HELZ: variants seen among roughly 807,000 people sequenced by gnomAD.
HELZ encodes the protein ATP-dependent RNA helicase with zinc finger domain.
In HELZ, 23 loss-of-function variants were observed where a neutral mutation model predicts 218.2. The observed-to-expected ratio is 0.11, with a 90% CI of 0.08 to 0.15. HELZ has a LOEUF of 0.15. Among genes scored for constraint, HELZ ranks in the 10% least tolerant of loss-of-function variants. The pLI, the probability that HELZ is intolerant of heterozygous loss-of-function variation, is 1.00. For synonymous variants in HELZ, 814 were observed against 829.4 expected (o/e 0.98, Z 0.32); for missense variants, 1,813 against 2,353.7 (o/e 0.77, Z 4.75).
At chr17:67,221,903 C>T (rs2040757469) in intron 3 of HELZ, among the ~76,000 whole-genome samples, 1 of 148,082 alleles carries the variant, frequency 6.8e-6, no homozygotes, top group Admixed American at 6.8e-5. Flanking sequence ...GGAGTGTAGT[C>T]GTGCAATCAT....
rs570150194 is a variant in HELZ at position 67,108,825 on chromosome 17, C to G, written c.4490-99G>C. 7 of 964,530 alleles carry G rather than the reference C, an allele frequency of 7.3e-6. No homozygotes were observed. In the African/African-American group the frequency reaches 9.9e-5, roughly 14 times the overall value. 59.7% of individuals were successfully genotyped at this position (964,530 alleles called of 1,614,324 possible). A position where few individuals can be genotyped will look rare whatever the true frequency, so the allele number is the denominator to read the frequency against. On this transcript the variant is annotated intron_variant, in intron 29 of 32. Coordinates refer to ENST00000358691, the MANE Select transcript of HELZ (RefSeq NM_014877.4). The surrounding 1 kb of genome is among the most constrained non-coding windows in gnomAD (Gnocchi z 4.1). ...ATATTTTCTCCACAAAGACAAAGGACGTAGCTACAAATTTGGTTTTGGTAA... is the reference window on the plus strand; with the variant it reads ...ATATTTTCTCCACAAAGACAAAGGAGGTAGCTACAAATTTGGTTTTGGTAA...
At chr17:67,193,455 C>T (rs1223317811) in intron 9 of HELZ, among the ~76,000 whole-genome samples, 2 of 151,996 alleles carry the variant, frequency 1.3e-5, no homozygotes, top group South Asian at 2.1e-4. Flanking sequence ...CAGTGGCTCA[C>T]GCCTCTAATC....
intron 20 of HELZ, among the ~76,000 whole-genome samples, chr17:67,147,098 A>G (rs2038520936): frequency 6.6e-6 from 1 of 152,190 alleles, no homozygotes; most frequent in African/African-American, 2.4e-5. Context: ...CTTGTACAAC[A>G]TAGCCAAAGA....
chr17:67,175,837 T>A (rs1257343982), intron 13 of HELZ, among the ~76,000 whole-genome samples: 2 of 152,228 alleles, frequency 1.3e-5, no homozygotes, highest in Non-Finnish European at 2.9e-5. Context: ...CTTGTGTAGT[T>A]GTGTACAGAA....
intron 5 of HELZ, among the ~76,000 whole-genome samples, chr17:67,211,095 A>G (rs1341754185): frequency 6.6e-6 from 1 of 152,138 alleles, no homozygotes; most frequent in Non-Finnish European, 1.5e-5. Context: ...AGAATACAAC[A>G]ATGAACTTGG....
intron 31 of HELZ, among the ~76,000 whole-genome samples, chr17:67,099,544 T>A (rs2036857805): frequency 6.6e-6 from 1 of 152,164 alleles, no homozygotes; most frequent in Admixed American, 6.5e-5. Context: ...AATGCTAACA[T>A]TTCAAAAGCC....
At position 67,136,110 on chromosome 17, in the gene HELZ, T is replaced by G. The variant is rs777752700; in HGVS notation, c.3042A>C (p.Gln1014His). The G allele has an allele frequency of 6.2e-7, 1 of 1,613,954 alleles. No homozygotes were observed. The highest frequency in any genetic ancestry group is 1.7e-5 in the Admixed American group (1 of 60,016). Residue 1014 changes from glutamine (Q) to histidine (H), a missense_variant, in exon 23 of 33, where the codon CAA becomes CAC. Gln to His is a conservative substitution (Grantham distance 24). Transcript: ENST00000358691. Reference protein sequence around the residue: ...HKQTPIKKKEQLLEDSTEDLD... With the variant: ...HKQTPIKKKEHLLEDSTEDLD... ...AGTCCTCTGTGGAATCTTCCAGAAGTTGCTCTTTCTTTTTAATTGGTGTCT... is the reference window on the plus strand; with the variant it reads ...AGTCCTCTGTGGAATCTTCCAGAAGGTGCTCTTTCTTTTTAATTGGTGTCT...
At chr17:67,118,404 A>T (rs2037492048) in intron 27 of HELZ, among the ~76,000 whole-genome samples, 2 of 152,208 alleles carry the variant, frequency 1.3e-5, no homozygotes, top group Non-Finnish European at 2.9e-5. Context: ...AGAGCTAAAA[A>T]CTATAAAACT....
intron 9 of HELZ, among the ~76,000 whole-genome samples, chr17:67,193,657 C>T (rs144024363): frequency 9.2e-5 from 14 of 152,072 alleles, no homozygotes; most frequent in African/African-American, 3.1e-4. Context: ...CAGAGGTTGC[C>T]GTGAGCCAAG....
chr17:67,152,016 CAG>C (rs1193650053), intron 17 of HELZ, among the ~76,000 whole-genome samples: 1 of 152,168 alleles, frequency 6.6e-6, no homozygotes, highest in East Asian at 1.9e-4. Context: ...GAAAAGCCAA[CAG>C]AGAGTTCCAA....
chr17:67,107,653 C>T lies in HELZ; in HGVS notation c.4757G>A (p.Arg1586His), dbSNP rs776661089. Residue 1586 changes from arginine to histidine, a missense_variant, in exon 31 of 33, where the codon CGT (arginine) becomes CAT (histidine). By Grantham distance (29) the Arg-to-His change is conservative (BLOSUM62 0). Coordinates refer to ENST00000358691, the MANE Select transcript of HELZ (RefSeq NM_014877.4). ...TAGTTCCCGTGTTTCACTTTGATCACGATGAGACAGTTCTCTGATTAAGTC... is the reference window on the plus strand; with the variant it reads ...TAGTTCCCGTGTTTCACTTTGATCATGATGAGACAGTTCTCTGATTAAGTC... The part of the protein sequence containing the change: ...FQDLIRELSH[R>H]DQSETRELAE... The T allele has an allele frequency of 1.7e-5, 28 of 1,613,780 alleles. No individual in the cohort carries two copies. Among genetic ancestry groups the T allele is most frequent in the East Asian group, 1.3e-4 (6 of 44,878 alleles).
In HELZ at chr17:67,108,509, C is replaced by A. The variant is rs779639085; in HGVS notation, c.4707G>T (p.Val1569=). The change falls in exon 30 of 33, where the codon GTG becomes GTT. Residue 1569 remains valine, a synonymous_variant. Transcript: ENST00000358691. The surrounding 1 kb of genome is among the most constrained non-coding windows in gnomAD (Gnocchi z 4.1). ...TGGAATACCTTGAGTATGTGGTCTCCACTTCATCTTCGGCACTGCTGGTGA... is the reference window on the plus strand; with the variant it reads ...TGGAATACCTTGAGTATGTGGTCTCAACTTCATCTTCGGCACTGCTGGTGA... ...WKLTSSAEDE[V]ETTYSRFQDL... 13 of 1,613,728 alleles carry A rather than the reference C, an allele frequency of 8.1e-6. No homozygotes were observed. The highest frequency in any genetic ancestry group is 1.0e-5 in the Non-Finnish European group (12 of 1,179,826).
intron 17 of HELZ, among the ~76,000 whole-genome samples, chr17:67,154,680 C>T (rs1200360119): frequency 1.3e-5 from 2 of 152,048 alleles, no homozygotes; most frequent in East Asian, 1.9e-4. Context: ...TTAAATTCTT[C>T]GAACCAAAAT....
intron 3 of HELZ, among the ~76,000 whole-genome samples, chr17:67,227,332 A>G (rs949216925): frequency 1.3e-5 from 2 of 152,034 alleles, no homozygotes; most frequent in Non-Finnish European, 1.5e-5. Flanking sequence ...AGCTGGGACT[A>G]CAGGCACACA....
At chr17:67,216,583 A>G (rs573472819) in intron 4 of HELZ, among the ~76,000 whole-genome samples, 52 of 151,786 alleles carry the variant, frequency 3.4e-4, no homozygotes, top group Admixed American at 9.2e-4. Context: ...TCTTCATGGC[A>G]AAACTCCTCA....
chr17:67,104,281 CA>C (rs1157450639), intron 31 of HELZ, among the ~76,000 whole-genome samples: 2 of 151,280 alleles, frequency 1.3e-5, no homozygotes, highest in Non-Finnish European at 3.0e-5. Flanking sequence ...AAAAAAAATA[CA>C]AAAAAAATTA....
chr17:67,148,639 G>A lies in HELZ; in HGVS notation c.2551C>T (p.His851Tyr). ...CTACATGGGAACTCAGCAGGGTAAT[G>A]CTCATAGAGTCGGTCAAGTAATGAA... ...HVSLLDRLYE[H>Y]YPAEFPCRIL... is the part of the protein sequence containing the mutation. Residue 851 changes from histidine to tyrosine, a missense_variant, in exon 20 of 33, where the codon CAT becomes TAT. Around this residue, in one of 4 missense-constraint regions of HELZ, gnomAD observed 714 missense variants for 1,029.2 expected, o/e 0.69. Coordinates refer to ENST00000358691, the MANE Select transcript of HELZ (RefSeq NM_014877.4). The A allele has an allele frequency of 6.2e-7, 1 of 1,613,654 alleles. No homozygotes were observed. The highest frequency in any genetic ancestry group is 1.6e-4 in the Middle Eastern group (1 of 6,062).
At chr17:67,166,041 A>C (rs1567856545) in intron 15 of HELZ, among the ~76,000 whole-genome samples, 1 of 152,148 alleles carries the variant, frequency 6.6e-6, no homozygotes, top group Non-Finnish European at 1.5e-5. Flanking sequence ...AGGCTGAGGC[A>C]GGAGAGTTGC....
At chr17:67,189,304 C>T (rs1210107584) in intron 11 of HELZ, among the ~76,000 whole-genome samples, 2 of 152,020 alleles carry the variant, frequency 1.3e-5, no homozygotes, top group Non-Finnish European at 1.5e-5. Context: ...TGAACCCCAT[C>T]CTATGTCCCA....
Sources: allele counts gnomAD v4.1 joint callset (sites outside exome capture counted in the v4.1 genomes callset), GRCh38; gene constraint gnomAD v4.1.1; regional missense constraint gnomAD v4.1.1; non-coding constraint Gnocchi (gnomAD v3.1); transcripts MANE v1.5; gene names NCBI Gene and HGNC (gene_info 2026-07-23, HGNC 2026-07-21).